The following CEP128 variants were observed in gnomAD, a reference collection of about 807,000 sequenced individuals.
CEP128 encodes the protein centrosomal protein 128.
CEP128 carries 132 observed loss-of-function variants against 156.7 expected under a neutral mutation model. The ratio of observed to expected loss-of-function variants is 0.84; its 90% CI spans 0.73 to 0.97. The LOEUF is 0.97. Among genes scored for constraint, CEP128 ranks in the 50% least tolerant of loss-of-function variants. The pLI, the probability that CEP128 is intolerant of heterozygous loss-of-function variation, is 0.00. For synonymous variants in CEP128, 469 were observed against 448.9 expected (o/e 1.04, Z -0.57); for missense variants, 1,252 against 1,281.9 (o/e 0.98, Z 0.36).
intron 17 of CEP128, 43 bp from the exon 18 acceptor site, chr14:80,756,994 G>C (rs375784126): frequency 1.6e-6 from 2 of 1,245,478 alleles, no homozygotes; most frequent in Non-Finnish European, 2.3e-6. Flanking sequence ...ATTTTTCTCT[G>C]ACATAAACAT....
chr14:80,838,080 A>G (rs1015382950), intron 11 of CEP128, 124 bp downstream of exon 11: 1 of 650,348 alleles, frequency 1.5e-6, no homozygotes, highest in Non-Finnish European at 2.6e-6. Context: ...GCTAATATAC[A>G]TTCCTTAGGA....
At chr14:80,506,054 C>A (rs781080188) in intron 23 of CEP128, among the ~76,000 whole-genome samples, 1 of 152,166 alleles carries the variant, frequency 6.6e-6, no homozygotes. Context: ...TCAGATAAGA[C>A]CCCTCTGGGA....
intron 19 of CEP128, among the ~76,000 whole-genome samples, chr14:80,679,388 T>C (rs1649699758): frequency 6.6e-6 from 1 of 152,148 alleles, no homozygotes. Flanking sequence ...TAATATTTAA[T>C]ACCCTGGGGA....
At chr14:80,926,087 A>G (rs1485530695) in intron 2 of CEP128, among the ~76,000 whole-genome samples, 1 of 152,174 alleles carries the variant, frequency 6.6e-6, no homozygotes, top group Admixed American at 6.5e-5. Flanking sequence ...GAAGCTCCCA[A>G]CTGAGACCTG....
chr14:80,935,098 A>T (rs1415433974), intron 2 of CEP128, among the ~76,000 whole-genome samples: 12 of 152,242 alleles, frequency 7.9e-5, no homozygotes, highest in Admixed American at 7.8e-4. Flanking sequence ...AAATCCAGGC[A>T]AGAAGACTAT....
intron 8 of CEP128, among the ~76,000 whole-genome samples, chr14:80,870,151 G>C (rs896272268): frequency 5.9e-5 from 9 of 151,950 alleles, no homozygotes; most frequent in Non-Finnish European, 7.4e-5. Context: ...TTACTTCACA[G>C]GTAAAATCTA....
At chr14:80,502,964 A>G (rs946586255) in intron 24 of CEP128, among the ~76,000 whole-genome samples, 1 of 152,120 alleles carries the variant, frequency 6.6e-6, no homozygotes, top group Non-Finnish European at 1.5e-5. Flanking sequence ...AAAAGCAAAT[A>G]AGAATGTTTT....
Position 80,780,624 on chromosome 14 carries a change from A to G in CEP128, c.2212-2578T>C, listed in dbSNP as rs112310702. 6.6e-3 allele frequency among the ~76,000 whole-genome samples: 831 copies of G among 126,848 alleles called. 5 individuals carry two copies. The highest frequency in any genetic ancestry group is 0.021 in the African/African-American group (751 of 35,670). 83.2% of individuals were successfully genotyped at this position (126,848 alleles called of 152,430 possible). ...TCTTTACACATAGGGAATTTACTAA[A>G]GCTTTGTTATCATCTCACAACAAAT... On this transcript the variant is annotated intron_variant, in intron 15 of 24. Transcript: ENST00000555265.
At chr14:80,565,937 T>A (rs150777006) in intron 20 of CEP128, among the ~76,000 whole-genome samples, 52 of 152,302 alleles carry the variant, frequency 3.4e-4, no homozygotes, top group Admixed American at 6.5e-4. Flanking sequence ...TTTAAAGATA[T>A]CATTAGCATA....
intron 21 of CEP128, among the ~76,000 whole-genome samples, chr14:80,547,884 C>T (rs1262706927): frequency 6.6e-5 from 10 of 151,756 alleles, no homozygotes; most frequent in African/African-American, 1.9e-4. Flanking sequence ...CTGCAACCTC[C>T]GCCTCTCGGG....
At chr14:80,860,622 TA>T (rs1044533650) in intron 9 of CEP128, among the ~76,000 whole-genome samples, 129 of 144,200 alleles carry the variant, frequency 8.9e-4, no homozygotes, top group Admixed American at 1.2e-3. Context: ...AAATCAAGGT[TA>T]AAAAAAAAAA....
At chr14:80,481,945 CTT>C (rs1169267517) in intron 14 of CEP128, among the ~76,000 whole-genome samples, 1 of 152,214 alleles carries the variant, frequency 6.6e-6, no homozygotes, top group African/African-American at 2.4e-5. Flanking sequence ...AATAGGTAGA[CTT>C]AATACCTAGG....
intron 23 of CEP128, among the ~76,000 whole-genome samples, chr14:80,516,945 G>A (rs1366507228): frequency 1.3e-5 from 2 of 152,154 alleles, no homozygotes; most frequent in East Asian, 1.9e-4. Flanking sequence ...TCATATAGGA[G>A]TGCTTTTTTG....
At chr14:80,845,043 A>C (rs1886531209) in intron 9 of CEP128, among the ~76,000 whole-genome samples, 1 of 152,194 alleles carries the variant, frequency 6.6e-6, no homozygotes, top group African/African-American at 2.4e-5. Flanking sequence ...GGCCTCACAG[A>C]AGGCTAACTA....
At chr14:80,820,498 G>T (rs1160814310) in intron 13 of CEP128, among the ~76,000 whole-genome samples, 1 of 152,236 alleles carries the variant, frequency 6.6e-6, no homozygotes, top group African/African-American at 2.4e-5. Context: ...TAGGGGCTTA[G>T]TCCTCTGAGC....
intron 21 of CEP128, among the ~76,000 whole-genome samples, chr14:80,551,868 A>G (rs1023585948): frequency 1.3e-5 from 2 of 152,192 alleles, no homozygotes; most frequent in Non-Finnish European, 2.9e-5. Context: ...TATATGTGCA[A>G]CTAAGAAGGA....
chr14:80,857,942 C>A (rs1452988510), intron 9 of CEP128, among the ~76,000 whole-genome samples: 2 of 152,050 alleles, frequency 1.3e-5, no homozygotes, highest in African/African-American at 4.8e-5. Context: ...AAGGTCCTTA[C>A]CAAATAAAGA....
intron 19 of CEP128, among the ~76,000 whole-genome samples, chr14:80,600,806 A>C (rs10144929): frequency 1.3e-5 from 2 of 151,862 alleles, no homozygotes; most frequent in African/African-American, 4.8e-5. Context: ...AGCAATAATT[A>C]TAAGTCTGAG....
At chr14:80,552,798 A>G (rs1404392447) in intron 21 of CEP128, among the ~76,000 whole-genome samples, 1 of 152,194 alleles carries the variant, frequency 6.6e-6, no homozygotes, top group African/African-American at 2.4e-5. Context: ...ATTTGGACAC[A>G]AATTGGTAGT....
Sources: gnomAD v4.1 joint callset for allele counts (sites outside exome capture counted in the v4.1 genomes callset) on GRCh38, gnomAD v4.1.1 for gene constraint, MANE v1.5 for transcripts, NCBI Gene and HGNC (gene_info 2026-07-23, HGNC 2026-07-21) for gene names.